ZNF423: variants seen among roughly 807,000 people sequenced by gnomAD.
ZNF423 encodes the protein zinc finger protein 423.
A neutral mutation model predicts 95.8 loss-of-function variants in ZNF423; 12 were observed. That is an observed-to-expected ratio of 0.13 (90% CI 0.08 to 0.20). The LOEUF is 0.20. Among genes scored for constraint, ZNF423 ranks in the 10% least tolerant of loss-of-function variants. The pLI is 1.00. For missense variants in ZNF423, 1,316 were observed against 1,737.1 expected (o/e 0.76, Z 4.31); for synonymous variants, 749 against 711.9 (o/e 1.05, Z -0.83).
At chr16:49,563,477 C>A (rs1970082732) in intron 5 of ZNF423, among the ~76,000 whole-genome samples, 1 of 152,218 alleles carries the variant, frequency 6.6e-6, no homozygotes, top group Non-Finnish European at 1.5e-5. Context: ...TCCTTCACAG[C>A]AACACACAAG....
At chr16:49,735,482 C>T (rs2033262930) in intron 2 of ZNF423, among the ~76,000 whole-genome samples, 1 of 152,204 alleles carries the variant, frequency 6.6e-6, no homozygotes, top group Admixed American at 6.5e-5. Flanking sequence ...CCCACCTGCC[C>T]TTCTGCAGGG....
chr16:49,732,053 G>C lies in ZNF423; in HGVS notation c.101-1082C>G, dbSNP rs186673163. On this transcript the variant is annotated intron_variant, in intron 2 of 7. Transcript: ENST00000563137. Reference sequence around the variant, plus strand: ...ATGCACAGCCCCATTTCACAGTCTTGCATATCCTAAACTCAAAGAAGGCTC... The same window carrying C: ...ATGCACAGCCCCATTTCACAGTCTTCCATATCCTAAACTCAAAGAAGGCTC... 1.6e-3 allele frequency among the ~76,000 whole-genome samples: 238 copies of C among 152,230 alleles called. 4 individuals carry two copies. Among genetic ancestry groups the C allele is most frequent in the African/African-American group, 5.3e-3 (220 of 41,522 alleles).
At chr16:49,616,217 G>A (rs1596721178) in intron 5 of ZNF423, among the ~76,000 whole-genome samples, 1 of 152,262 alleles carries the variant, frequency 6.6e-6, no homozygotes, top group East Asian at 1.9e-4. Flanking sequence ...AATAAGTCAG[G>A]CACAGAAAGA....
intron 5 of ZNF423, among the ~76,000 whole-genome samples, chr16:49,540,361 A>G (rs1969205009): frequency 6.6e-6 from 1 of 152,166 alleles, no homozygotes; most frequent in Non-Finnish European, 1.5e-5. Flanking sequence ...TGCAGTCTCC[A>G]TCTCTCAGGC....
chr16:49,663,109 A>G (rs1246384836), intron 3 of ZNF423, among the ~76,000 whole-genome samples: 2 of 152,148 alleles, frequency 1.3e-5, no homozygotes, highest in Non-Finnish European at 2.9e-5. Context: ...CTCTATGCAA[A>G]GCGCACCCAC....
At chr16:49,535,117 G>A (rs754915559) in intron 5 of ZNF423, among the ~76,000 whole-genome samples, 4 of 152,136 alleles carry the variant, frequency 2.6e-5, no homozygotes, top group Non-Finnish European at 5.9e-5. Context: ...CTTCCCCATA[G>A]CTGGGCCCAT....
chr16:49,830,887 G>A (rs1459031827), intron 1 of ZNF423, among the ~76,000 whole-genome samples: 1 of 152,050 alleles, frequency 6.6e-6, no homozygotes, highest in Non-Finnish European at 1.5e-5. Context: ...TTCCGAACTT[G>A]GATTGCACAT....
intron 1 of ZNF423, among the ~76,000 whole-genome samples, chr16:49,817,925 C>T (rs1008588117): frequency 6.6e-6 from 1 of 152,124 alleles, no homozygotes; most frequent in African/African-American, 2.4e-5. Flanking sequence ...CTCCAACCCG[C>T]CAGTTCACAA....
chr16:49,687,533 G>A (rs1375343153), intron 3 of ZNF423, among the ~76,000 whole-genome samples: 3 of 152,128 alleles, frequency 2.0e-5, no homozygotes, highest in Admixed American at 1.3e-4. Flanking sequence ...GCCCACCTCC[G>A]ACTCTAGAAT....
chr16:49,822,721 C>A (rs1196844984), intron 1 of ZNF423: 1 of 1,608,340 alleles, frequency 6.2e-7, no homozygotes, highest in South Asian at 1.1e-5. Flanking sequence ...AAAATCCATC[C>A]TTCTCCAGGA....
intron 3 of ZNF423, among the ~76,000 whole-genome samples, chr16:49,642,964 G>A (rs1973033364): frequency 6.6e-6 from 1 of 151,974 alleles, no homozygotes; most frequent in South Asian, 2.1e-4. Flanking sequence ...GGGATTACAG[G>A]CACATGTCAC....
chr16:49,602,682 G>A (rs1003703807), intron 5 of ZNF423, among the ~76,000 whole-genome samples: 5 of 152,188 alleles, frequency 3.3e-5, no homozygotes, highest in Admixed American at 2.0e-4. Flanking sequence ...GCAGCCATGC[G>A]TTTCCAGCAT....
intron 5 of ZNF423, among the ~76,000 whole-genome samples, chr16:49,578,829 G>A (rs573819210): frequency 8.2e-4 from 125 of 152,346 alleles, no homozygotes; most frequent in South Asian, 7.7e-3. Context: ...AAATATTCAG[G>A]TTTTCAGGTC....
intron 1 of ZNF423, among the ~76,000 whole-genome samples, chr16:49,833,886 C>A (rs1050708907): frequency 1.3e-5 from 2 of 152,182 alleles, no homozygotes; most frequent in African/African-American, 4.8e-5. Flanking sequence ...GCTCCTGGAT[C>A]CTGGCTCTTG....
At chr16:49,822,696 C>A (rs750441746) in intron 1 of ZNF423, 1 of 1,611,786 alleles carries the variant, frequency 6.2e-7, no homozygotes, top group Admixed American at 1.7e-5. Context: ...CCATGTCTTT[C>A]TTCTTTTACA....
intron 3 of ZNF423, among the ~76,000 whole-genome samples, chr16:49,658,301 A>C (rs1038466766): frequency 1.3e-5 from 2 of 152,260 alleles, no homozygotes; most frequent in East Asian, 3.9e-4. Flanking sequence ...AGAGGCAGGC[A>C]GGAGAGAAGA....
At position 49,635,522 on chromosome 16, in the gene ZNF423, A is replaced by T. The variant is rs1972656409; in HGVS notation, c.3516+138T>A. 2.7e-6 allele frequency: 3 copies of T among 1,123,150 alleles called. No homozygotes were observed. The highest frequency in any genetic ancestry group is 3.6e-6 in the Non-Finnish European group (3 of 828,102). The allele number at this position is 1,123,150 out of a possible 1,614,324, so 69.6% of individuals were successfully genotyped here. ...TGAGGTTCAAACTCAAGGAGTCTAC[A>T]GCACAGCAGTTCTGTTTTGCCACTG... On this transcript the variant is annotated intron_variant, in intron 4 of 7. Transcript: ENST00000563137. The surrounding 1 kb of genome is among the most constrained non-coding windows in gnomAD (Gnocchi z 4.8).
intron 3 of ZNF423, among the ~76,000 whole-genome samples, chr16:49,682,937 C>T (rs998168181): frequency 1.3e-5 from 2 of 152,154 alleles, no homozygotes; most frequent in East Asian, 1.9e-4. Flanking sequence ...AGCGCAGAGC[C>T]GCAACCCCAC....
intron 3 of ZNF423, among the ~76,000 whole-genome samples, chr16:49,652,365 G>T (rs571258963): frequency 6.7e-6 from 1 of 149,334 alleles, no homozygotes; most frequent in Non-Finnish European, 1.5e-5. Context: ...AAAAAAAAAA[G>T]CCAGTGCTCA....
Sources: gnomAD v4.1 joint callset for allele counts (sites outside exome capture counted in the v4.1 genomes callset) on GRCh38, gnomAD v4.1.1 for gene constraint, Gnocchi (gnomAD v3.1) non-coding constraint, MANE v1.5 for transcripts, NCBI Gene and HGNC (gene_info 2026-07-23, HGNC 2026-07-21) for gene names.